SEC14L4: variants seen among roughly 807,000 people sequenced by gnomAD.
SEC14L4 encodes SEC14-like protein 4.
A neutral mutation model predicts 55.1 loss-of-function variants in SEC14L4; 42 were observed. The ratio of observed to expected loss-of-function variants is 0.76; its 90% CI spans 0.60 to 0.99. The LOEUF (loss-of-function observed/expected upper bound fraction) is 0.99, where lower values mean the gene tolerates loss of function less well. SEC14L4 is among the 50% of genes least tolerant of loss of function. The probability of loss-of-function intolerance (pLI) is 0.00; values close to 1 mark genes in which losing one functional copy is unlikely to be tolerated. For synonymous variants in SEC14L4, 206 were observed against 206.8 expected, an observed-to-expected ratio of 1.00 and a Z score of 0.03; for missense variants, 445 against 512.1, an observed-to-expected ratio of 0.87 and a Z score of 1.27.
chr22:30,496,777 G>C (rs558439242), intron 2 of SEC14L4, among the ~76,000 whole-genome samples: 1 of 152,332 alleles, frequency 6.6e-6, no homozygotes, highest in Non-Finnish European at 1.5e-5. Context: ...TGTATAGAAA[G>C]TGTTTGGCCC....
intron 11 of SEC14L4, among the ~76,000 whole-genome samples, chr22:30,490,891 C>T (rs868776093): frequency 3.3e-5 from 5 of 152,244 alleles, no homozygotes; most frequent in Middle Eastern, 6.8e-3. Context: ...CTACATAAGC[C>T]GCTTTCCGTC....
chr22:30,505,316 G>A (rs1175667926), intron 1 of SEC14L4, among the ~76,000 whole-genome samples: 2 of 152,174 alleles, frequency 1.3e-5, no homozygotes, highest in Non-Finnish European at 2.9e-5. Flanking sequence ...CCAGGGCCGG[G>A]TGGTGGAGAG....
intron 8 of SEC14L4, 108 bp from the exon 9 acceptor site, chr22:30,492,263 C>T (rs888008096): frequency 2.5e-5 from 35 of 1,378,612 alleles, no homozygotes; most frequent in African/African-American, 1.1e-4. Flanking sequence ...CGTGCTCCCC[C>T]GGGCACCTAC....
At chr22:30,494,997 C>A in intron 5 of SEC14L4, 36 bp from the exon 6 acceptor site, 1 of 1,575,480 alleles carries the variant, frequency 6.3e-7, no homozygotes. Flanking sequence ...CAGACGACAG[C>A]TCCAGCCAGG....
At chr22:30,492,784 C>T in intron 7 of SEC14L4, 1 of 491,302 alleles carries the variant, frequency 2.0e-6, no homozygotes, top group South Asian at 2.5e-5. Flanking sequence ...TCCTGGCTTT[C>T]AATAAATGGT....
Position 30,501,308 on chromosome 22 carries a change from T to C in SEC14L4, c.130+2369A>G, listed in dbSNP as rs192641131. On this transcript the variant is annotated intron_variant, in intron 2 of 11. Transcript: ENST00000255858. ...GGACACCCAGCCCCCTTCCCAATCTTGGATCCTTTTTCTTTCCTATGACCT... is the reference window on the plus strand; with the variant it reads ...GGACACCCAGCCCCCTTCCCAATCTCGGATCCTTTTTCTTTCCTATGACCT... 4.7e-3 allele frequency among the ~76,000 whole-genome samples: 722 copies of C among 152,264 alleles called. 15 individuals are homozygous for C. The highest frequency in any genetic ancestry group is 0.016 in the African/African-American group (673 of 41,558).
At chr22:30,498,586 T>C (rs1321042310) in intron 2 of SEC14L4, among the ~76,000 whole-genome samples, 1 of 152,240 alleles carries the variant, frequency 6.6e-6, no homozygotes, top group Non-Finnish European at 1.5e-5. Context: ...AGGTCTCCAG[T>C]TCTACATTTA....
At chr22:30,490,407 GT>G (rs1935916137) in intron 11 of SEC14L4, 161 bp from the exon 12 acceptor site, 1 of 1,213,748 alleles carries the variant, frequency 8.2e-7, no homozygotes. Context: ...AGGACAGTGG[GT>G]GGGGCCTGAG....
intron 2 of SEC14L4, among the ~76,000 whole-genome samples, chr22:30,498,963 T>C (rs985117467): frequency 2.6e-5 from 4 of 151,794 alleles, no homozygotes; most frequent in African/African-American, 9.7e-5. Flanking sequence ...ATTTTTTTGA[T>C]GGAGTCTCGC....
intron 11 of SEC14L4, 47 bp downstream of exon 11, chr22:30,491,526 G>T (rs770806581): frequency 1.2e-6 from 2 of 1,609,242 alleles, no homozygotes; most frequent in South Asian, 2.2e-5. Context: ...GCAAGCAGAG[G>T]GGAGACTGGC....
intron 3 of SEC14L4, 34 bp from the exon 4 acceptor site, chr22:30,495,676 C>T (rs745947279): frequency 4.3e-6 from 7 of 1,613,864 alleles, no homozygotes; most frequent in Non-Finnish European, 5.9e-6. Context: ...TAGGATTTTG[C>T]AGGAACCTGG....
At chr22:30,494,818 G>C in intron 6 of SEC14L4, 48 bp downstream of exon 6, 1 of 1,259,014 alleles carries the variant, frequency 7.9e-7, no homozygotes. Context: ...AGGGCTCACA[G>C]CTGGGAGCCA....
At chr22:30,500,275 G>T (rs1256968938) in intron 2 of SEC14L4, among the ~76,000 whole-genome samples, 1 of 151,904 alleles carries the variant, frequency 6.6e-6, no homozygotes, top group Non-Finnish European at 1.5e-5. Flanking sequence ...AATATTTATT[G>T]GTCTGATGAC....
chr22:30,505,414 C>A, intron 1 of SEC14L4, 144 bp downstream of exon 1: 1 of 858,880 alleles, frequency 1.2e-6, no homozygotes. Context: ...CCTCAACAAC[C>A]GCACGCTGGA....
At chr22:30,491,764 T>G in intron 10 of SEC14L4, 22 bp from the exon 11 acceptor site, 1 of 1,612,978 alleles carries the variant, frequency 6.2e-7, no homozygotes, top group Non-Finnish European at 8.5e-7. Context: ...AGAGCCCCAT[T>G]GGCGACCCCC....
At chr22:30,497,125 G>A (rs1569244571) in intron 2 of SEC14L4, among the ~76,000 whole-genome samples, 1 of 152,096 alleles carries the variant, frequency 6.6e-6, no homozygotes, top group Non-Finnish European at 1.5e-5. Flanking sequence ...GATCACTTGA[G>A]GTCAGGAGTT....
chr22:30,492,958 C>G (rs1298692679), intron 7 of SEC14L4, among the ~76,000 whole-genome samples: 1 of 151,818 alleles, frequency 6.6e-6, no homozygotes, highest in African/African-American at 2.4e-5. Flanking sequence ...GTGGTGCATG[C>G]TTGTAATCCC....
intron 7 of SEC14L4, 74 bp downstream of exon 7, chr22:30,494,076 C>CT (rs1936055327): frequency 8.7e-7 from 1 of 1,150,850 alleles, no homozygotes; most frequent in African/African-American, 1.5e-5. Context: ...AAGCCTTTAA[C>CT]TCCATGGCTT....
intron 2 of SEC14L4, among the ~76,000 whole-genome samples, chr22:30,500,170 A>C (rs1277217200): frequency 6.6e-6 from 1 of 152,092 alleles, no homozygotes; most frequent in Admixed American, 6.6e-5. Context: ...GCGCCCGGCC[A>C]ACTGGTATTA....
Sources: allele counts gnomAD v4.1 joint callset (sites outside exome capture counted in the v4.1 genomes callset), GRCh38; gene constraint gnomAD v4.1.1; transcripts MANE v1.5; gene names NCBI Gene and HGNC (gene_info 2026-07-23, HGNC 2026-07-21).